The following THSD7B variants were observed in gnomAD, a reference collection of about 807,000 sequenced individuals.
THSD7B encodes thrombospondin type 1 domain containing 7B.
THSD7B carries 138 observed loss-of-function variants against 213.6 expected under a neutral mutation model. The observed-to-expected ratio is 0.65, with a 90% CI of 0.56 to 0.74. The LOEUF (loss-of-function observed/expected upper bound fraction) is 0.74. Ranked by LOEUF, THSD7B falls within the 30% of genes least tolerant of loss-of-function variation. THSD7B has a pLI of 0.00. For missense variants in THSD7B, 1,931 were observed against 1,991.5 expected, an observed-to-expected ratio of 0.97 and a Z score of 0.58; for synonymous variants, 742 against 687.0, an observed-to-expected ratio of 1.08 and a Z score of -1.25.
chr2:137,630,627 G>A (rs564986178), intron 20 of THSD7B, among the ~76,000 whole-genome samples: 33 of 152,304 alleles, frequency 2.2e-4, no homozygotes, highest in African/African-American at 7.2e-4. Context: ...GGAATGTATG[G>A]TATAGATGAA....
At chr2:136,922,872 G>A (rs754326172) in intron 2 of THSD7B, among the ~76,000 whole-genome samples, 1 of 152,110 alleles carries the variant, frequency 6.6e-6, no homozygotes, top group Non-Finnish European at 1.5e-5. Flanking sequence ...TGACCCCCAA[G>A]TGCCATTCCT....
chr2:137,310,934 A>G (rs930221828), intron 12 of THSD7B, among the ~76,000 whole-genome samples: 2 of 151,914 alleles, frequency 1.3e-5, no homozygotes, highest in Admixed American at 6.6e-5. Flanking sequence ...GAAGTCAGGT[A>G]GTGTGATGCC....
chr2:137,314,880 G>C (rs1008890337), intron 12 of THSD7B, among the ~76,000 whole-genome samples: 6 of 152,232 alleles, frequency 3.9e-5, no homozygotes, highest in Non-Finnish European at 7.3e-5. Context: ...ATCTCCAGCT[G>C]CGTGCTGGGA....
intron 9 of THSD7B, among the ~76,000 whole-genome samples, chr2:137,237,820 T>C (rs1242361886): frequency 3.3e-5 from 5 of 151,978 alleles, no homozygotes; most frequent in Admixed American, 2.6e-4. Flanking sequence ...GTTGAATCCC[T>C]GAGGAAAGGG....
chr2:136,788,343 C>A (rs1464140376), intron 1 of THSD7B, among the ~76,000 whole-genome samples: 1 of 152,182 alleles, frequency 6.6e-6, no homozygotes, highest in Non-Finnish European at 1.5e-5. Flanking sequence ...TCTGTTGGAA[C>A]AATTAACTGA....
chr2:137,284,298 C>T (rs6430701), intron 12 of THSD7B, among the ~76,000 whole-genome samples: 93,055 of 151,816 alleles, frequency 0.61, 29,294 homozygotes, highest in East Asian at 0.94. Flanking sequence ...CTTTTCTTCT[C>T]TATTAGTCCT....
chr2:137,123,399 A>G (rs1216567941), intron 5 of THSD7B, among the ~76,000 whole-genome samples: 3 of 152,084 alleles, frequency 2.0e-5, no homozygotes, highest in African/African-American at 7.2e-5. Flanking sequence ...TCTTTTTGCA[A>G]TCCTACCAAA....
chr2:137,073,578 A>G (rs935215818), intron 3 of THSD7B, among the ~76,000 whole-genome samples: 5 of 152,066 alleles, frequency 3.3e-5, no homozygotes, highest in Admixed American at 6.6e-5. Flanking sequence ...TTGTGTCTCT[A>G]TCTCCTTCAG....
chr2:137,115,404 A>G (rs1468302282), intron 5 of THSD7B, 111 bp downstream of exon 5: 10 of 1,225,162 alleles, frequency 8.2e-6, no homozygotes, highest in Non-Finnish European at 7.5e-6. Flanking sequence ...CACACATTTA[A>G]TATTTATTTT....
intron 12 of THSD7B, among the ~76,000 whole-genome samples, chr2:137,296,150 T>A (rs116725380): frequency 2.0e-5 from 3 of 152,308 alleles, no homozygotes; most frequent in Non-Finnish European, 4.4e-5. Context: ...ATTGCAAATT[T>A]CTTTTGCATG....
At position 137,285,566 on chromosome 2, in the gene THSD7B, C is replaced by T. The variant is rs140768492; in HGVS notation, c.2500+9540C>T. On this transcript the variant is annotated intron_variant, in intron 12 of 27. Coordinates refer to ENST00000409968, the MANE Select transcript of THSD7B (RefSeq NM_001316349.2). Reference sequence around the variant, plus strand: ...CAGTTGTTGCTTTCCATGTTTAGTGCTTCCTTCAGGAGCTCTTTTTTTTTT... The same window carrying T: ...CAGTTGTTGCTTTCCATGTTTAGTGTTTCCTTCAGGAGCTCTTTTTTTTTT... Among the ~76,000 whole-genome samples the T allele has an allele frequency of 5.1e-3, 752 of 147,862 alleles. 6 individuals carry two copies. The highest frequency in any genetic ancestry group is 0.018 in the African/African-American group (713 of 40,498).
chr2:137,405,288 A>T (rs1409690508), intron 12 of THSD7B, among the ~76,000 whole-genome samples: 1 of 151,686 alleles, frequency 6.6e-6, no homozygotes, highest in Non-Finnish European at 1.5e-5. Context: ...TTACTCTTAT[A>T]GTTTCCCTTT....
rs1306648498 is a variant in THSD7B at position 137,522,913 on chromosome 2, A to G, written c.3139-40308A>G. Among the ~76,000 whole-genome samples, 3 of 152,228 alleles carry G rather than the reference A, an allele frequency of 2.0e-5. No individual in the cohort carries two copies. In the East Asian group the frequency reaches 5.8e-4, roughly 29 times the overall value. ...GCTAGTTGTTTACCTGCCTGATGGC[A>G]AAGATTGCATCTCATTCATCTTTAA... On this transcript the variant is annotated intron_variant, in intron 15 of 27. Coordinates refer to ENST00000409968, the MANE Select transcript of THSD7B (RefSeq NM_001316349.2).
chr2:137,197,934 C>A (rs536944337), intron 7 of THSD7B, among the ~76,000 whole-genome samples: 2 of 152,258 alleles, frequency 1.3e-5, no homozygotes, highest in Admixed American at 1.3e-4. Flanking sequence ...ATTTCCTATT[C>A]CGCACACACT....
intron 20 of THSD7B, 112 bp downstream of exon 20, chr2:137,620,838 A>C: frequency 1.2e-6 from 1 of 835,950 alleles, no homozygotes; most frequent in South Asian, 1.7e-5. Context: ...AGTCAATATG[A>C]AACTGACCCA....
At chr2:136,769,749 C>T (rs565079901) in intron 1 of THSD7B, among the ~76,000 whole-genome samples, 3 of 152,098 alleles carry the variant, frequency 2.0e-5, no homozygotes, top group East Asian at 1.9e-4. Context: ...AATTTTTTGA[C>T]GTTAAAAAGA....
chr2:137,076,604 T>C (rs1217559638), intron 3 of THSD7B, among the ~76,000 whole-genome samples: 1 of 152,214 alleles, frequency 6.6e-6, no homozygotes, highest in African/African-American at 2.4e-5. Context: ...GTCCTGGGCC[T>C]ACTGTCTGGC....
intron 17 of THSD7B, among the ~76,000 whole-genome samples, chr2:137,587,713 G>A (rs1681768604): frequency 6.6e-6 from 1 of 152,204 alleles, no homozygotes; most frequent in Admixed American, 6.5e-5. Flanking sequence ...TCTCAGAGGG[G>A]TACCTGGCCG....
At chr2:137,205,050 C>T (rs1203377147) in intron 7 of THSD7B, among the ~76,000 whole-genome samples, 1 of 152,054 alleles carries the variant, frequency 6.6e-6, no homozygotes, top group Non-Finnish European at 1.5e-5. Context: ...CTGTCTACCA[C>T]ACTCATCCAT....
Sources: allele counts gnomAD v4.1 joint callset (sites outside exome capture counted in the v4.1 genomes callset), GRCh38; gene constraint gnomAD v4.1.1; transcripts MANE v1.5; gene names NCBI Gene and HGNC (gene_info 2026-07-23, HGNC 2026-07-21).